SRSF6: variants seen among roughly 807,000 people sequenced by gnomAD.
The protein encoded by SRSF6 is serine/arginine-rich splicing factor 6.
In SRSF6, 17 loss-of-function variants were observed where a neutral mutation model predicts 42.0. The observed-to-expected ratio is 0.40, with a 90% CI of 0.28 to 0.61. The LOEUF (loss-of-function observed/expected upper bound fraction) is 0.61. Ranked by LOEUF, SRSF6 falls within the 20% of genes least tolerant of loss-of-function variation. The pLI is 0.37. For synonymous variants in SRSF6, 204 were observed against 166.7 expected (o/e 1.22, Z -1.72); for missense variants, 379 against 471.4 (o/e 0.80, Z 1.81).
At chr20:43,458,571 T>C in intron 2 of SRSF6, 62 bp downstream of exon 2, 1 of 1,398,344 alleles carries the variant, frequency 7.2e-7, no homozygotes, top group Non-Finnish European at 9.2e-7. Context: ...GTGGGTGGGG[T>C]GGGGCCTCCC....
At chr20:43,460,390 T>G (rs899606117) in intron 4 of SRSF6, 125 bp from the exon 5 acceptor site, 2 of 1,238,846 alleles carry the variant, frequency 1.6e-6, no homozygotes, top group Non-Finnish European at 2.3e-6. Flanking sequence ...CTGGATGTTT[T>G]GAACAGTGTA....
chr20:43,459,730 A>G (rs1293549826), intron 2 of SRSF6, 41 bp from the exon 3 acceptor site: 3 of 1,611,870 alleles, frequency 1.9e-6, no homozygotes, highest in Non-Finnish European at 2.5e-6. Context: ...ATGCGTTTTT[A>G]TCATTACAAG....
intron 2 of SRSF6, chr20:43,459,159 A>G (rs772516078): frequency 7.4e-5 from 100 of 1,352,028 alleles, no homozygotes; most frequent in Middle Eastern, 2.1e-4. Flanking sequence ...AAAGTGACCA[A>G]TGGGGCTGAG....
At chr20:43,459,413 A>G in intron 2 of SRSF6, 1 of 1,309,248 alleles carries the variant, frequency 7.6e-7, no homozygotes, top group Non-Finnish European at 1.0e-6. Context: ...AAAACCTCAC[A>G]CTGTGATGTA....
chr20:43,460,011 T>C, intron 3 of SRSF6, 22 bp from the exon 4 acceptor site: 1 of 1,614,038 alleles, frequency 6.2e-7, no homozygotes, highest in Non-Finnish European at 8.5e-7. Context: ...GATTTCCGAG[T>C]CTGACCAATC....
chr20:43,460,670 A>G (rs1450701869), intron 5 of SRSF6, 33 bp from the exon 6 acceptor site: 6 of 1,612,104 alleles, frequency 3.7e-6, no homozygotes, highest in Non-Finnish European at 5.1e-6. Context: ...CATTCTCACT[A>G]AGTATTGAGA....
Position 43,462,802 on chromosome 20 carries a change from TTTTC to T in SRSF6, c.*1743_*1746del, listed in dbSNP as rs1322627866. 1 of 152,550 alleles carries T rather than the reference TTTTC, an allele frequency of 6.6e-6. No individual in the cohort carries two copies. Among genetic ancestry groups the T allele is most frequent in the Non-Finnish European group, 1.5e-5 (1 of 68,038 alleles). 9.4% of individuals were successfully genotyped at this position (152,550 alleles called of 1,614,324 possible). Reference sequence around the variant, plus strand: ...GGCGGATGCTTCTTCCATTATCTTATTTTCTTTGATACTTTATTTAATTAGATGT... The same window carrying T: ...GGCGGATGCTTCTTCCATTATCTTATTTTGATACTTTATTTAATTAGATGT... On this transcript the variant is annotated 3_prime_UTR_variant, in exon 6 of 6. Transcript: ENST00000244020.
chr20:43,458,395 G>T lies in SRSF6; in HGVS notation c.142G>T (p.Ala48Ser). The T allele has an allele frequency of 1.3e-6, 2 of 1,555,700 alleles. No homozygotes were observed. Among genetic ancestry groups the T allele is most frequent in the Non-Finnish European group, 8.7e-7 (1 of 1,155,022 alleles). ...CGTGGAGTTCGAGGACTCCCGCGAC[G>T]CCGACGACGCCGTTTACGAGCTGAA... Reference protein sequence around the residue: ...GFVEFEDSRDADDAVYELNGK... With the variant: ...GFVEFEDSRDSDDAVYELNGK... Residue 48 changes from alanine to serine, a missense_variant, in exon 2 of 6, where the codon GCC becomes TCC. This residue lies in a region of SRSF6 where 117 missense variants were observed against 146.8 expected (regional missense o/e 0.80). Transcript: ENST00000244020.
At chr20:43,460,337 C>A in intron 4 of SRSF6, 96 bp downstream of exon 4, 1 of 1,446,158 alleles carries the variant, frequency 6.9e-7, no homozygotes, top group Non-Finnish European at 9.5e-7. Context: ...TGAATTAAAG[C>A]CAGCTTTTAG....
At position 43,461,344 on chromosome 20, in the gene SRSF6, T is replaced by TG. The variant is rs2017592311; in HGVS notation, c.*281_*282insG. ...TTAAGCTCATTTAGTGTTGTTTTTTTTTTTTTTTTTTTTTTTTTTTTTTTT... is the reference window on the plus strand; with the variant it reads ...TTAAGCTCATTTAGTGTTGTTTTTTTGTTTTTTTTTTTTTTTTTTTTTTTTT... On this transcript the variant is annotated 3_prime_UTR_variant, in exon 6 of 6. Transcript: ENST00000244020. 1 of 34,320 alleles carries TG rather than the reference T, an allele frequency of 2.9e-5. No individual in the cohort carries two copies. The highest frequency in any genetic ancestry group is 8.5e-5 in the African/African-American group (1 of 11,786). The allele number at this position is 34,320 out of a possible 1,614,324, so 2.1% of individuals were successfully genotyped here.
rs1427303098 is a variant in SRSF6, at chr20:43,462,002, A to T, written c.*939A>T. The T allele has an allele frequency of 1.3e-5, 2 of 152,208 alleles. No individual in the cohort carries two copies. Among genetic ancestry groups the T allele is most frequent in the African/African-American group, 4.8e-5 (2 of 41,462 alleles). 9.4% of individuals were successfully genotyped at this position (152,208 alleles called of 1,614,324 possible). A position where few individuals can be genotyped will look rare whatever the true frequency, so the allele number is the denominator to read the frequency against. ...CTCTTTTTGTTCTGAAATTGAGTTT[A>T]TTCAAAGTGTAAAAGCACATACTGC... On this transcript the variant is annotated 3_prime_UTR_variant, in exon 6 of 6. Coordinates refer to ENST00000244020, the MANE Select transcript of SRSF6 (RefSeq NM_006275.6).
rs1206887769 is a variant in SRSF6 at position 43,460,723 on chromosome 20, G to A, written c.695G>A (p.Gly232Asp). ...TCCAGTTCCAGGTCGCGGAGCAAAG[G>A]TCGATCACGTTCTCGATCAAAAGGC... ...SRSRSRSRSK[G>D]RSRSRSKGRK... is the part of the protein sequence containing the mutation. The change falls in exon 6 of 6, where the codon GGT becomes GAT. Residue 232 changes from glycine (G) to aspartate (D), a missense_variant. Physicochemically the swap from Gly to Asp is moderately conservative, Grantham distance 94. Around this residue, in one of 3 missense-constraint regions of SRSF6, gnomAD observed 219 missense variants for 216.1 expected, o/e 1.01. Transcript: ENST00000244020. 1.2e-6 allele frequency: 2 copies of A among 1,613,588 alleles called. No homozygotes were observed. The highest frequency in any genetic ancestry group is 2.2e-5 in the South Asian group (2 of 91,060).
chr20:43,458,184 T>C (rs1461702414), intron 1 of SRSF6, 44 bp downstream of exon 1: 1 of 1,579,892 alleles, frequency 6.3e-7, no homozygotes, highest in African/African-American at 1.4e-5. Flanking sequence ...CCAGGCCTGG[T>C]GGCGGCGGGA....
chr20:43,459,852 T>TTTAA lies in SRSF6; in HGVS notation c.339_340insTAAT (p.Val114Ter). On this transcript the variant is annotated stop_gained and frameshift_variant, in exon 3 of 6. Transcript: ENST00000244020. LOFTEE classifies it high-confidence loss of function. ...CCTGTTCGTACAGAATACAGGCTTA[T>TTTAA]TGTAGAAAATCTTTCTAGTCGGTGC... is the stretch of plus-strand genomic sequence containing the variant. The TTTAA allele has an allele frequency of 6.2e-7, 1 of 1,609,966 alleles. No individual in the cohort carries two copies. Among genetic ancestry groups the TTTAA allele is most frequent in the Non-Finnish European group, 8.5e-7 (1 of 1,178,962 alleles).
intron 1 of SRSF6, 97 bp from the exon 2 acceptor site, chr20:43,458,264 G>A (rs1458371791): frequency 7.2e-7 from 1 of 1,395,618 alleles, no homozygotes; most frequent in Non-Finnish European, 9.3e-7. Context: ...GCGACGGCGC[G>A]GCGTCGCGGG....
chr20:43,460,312 C>T, intron 4 of SRSF6, 71 bp downstream of exon 4: 1 of 1,518,280 alleles, frequency 6.6e-7, no homozygotes, highest in East Asian at 2.3e-5. Context: ...TGAGTGATGT[C>T]AATTGTTGCC....
At chr20:43,459,181 T>C in intron 2 of SRSF6, 1 of 1,352,176 alleles carries the variant, frequency 7.4e-7, no homozygotes, top group Admixed American at 1.9e-5. Context: ...CTGTGTCCAC[T>C]GAGGCTAAGA....
rs746145403 is a variant in SRSF6, at chr20:43,458,124, G to A, written c.91G>A (p.Val31Ile). 3 of 1,613,168 alleles carry A rather than the reference G, an allele frequency of 1.9e-6. No individual in the cohort carries two copies. The highest frequency in any genetic ancestry group is 4.5e-5 in the East Asian group (2 of 44,796). Residue 31 changes from valine to isoleucine, a missense_variant, in exon 1 of 6, where the codon GTA (valine) becomes ATA (isoleucine). By Grantham distance (29) the Val-to-Ile change is conservative. Coordinates refer to ENST00000244020, the MANE Select transcript of SRSF6 (RefSeq NM_006275.6). ...FFSGYGRLLE[V>I]DLKNGYGFVE... ...CAGTGGCTATGGCCGCCTCCTCGAAGTAGACCTCAAAAATGGGTGAGTCGG... is the reference window on the plus strand; with the variant it reads ...CAGTGGCTATGGCCGCCTCCTCGAAATAGACCTCAAAAATGGGTGAGTCGG...
Position 43,459,767 on chromosome 20 carries a change from A to G in SRSF6, c.257-4A>G. 2 of 1,612,932 alleles carry G rather than the reference A, an allele frequency of 1.2e-6. No individual in the cohort carries two copies. Among genetic ancestry groups the G allele is most frequent in the Non-Finnish European group, 1.7e-6 (2 of 1,180,020 alleles). On this transcript the variant is annotated splice_polypyrimidine_tract_variant and splice_region_variant and intron_variant, in intron 2 of 5. Coordinates refer to ENST00000244020, the MANE Select transcript of SRSF6 (RefSeq NM_006275.6). ...CATCTAATTGTTCCCTTCATGTGAT[A>G]AAGGTGGTGGAGGTGGATACAGCAG...
Sources: allele counts gnomAD v4.1 joint callset, GRCh38; gene constraint gnomAD v4.1.1; regional missense constraint gnomAD v4.1.1; transcripts MANE v1.5; gene names NCBI Gene and HGNC (gene_info 2026-07-23, HGNC 2026-07-21).